Variants in BRD2 observed in about 807,000 individuals in gnomAD.
BRD2 encodes the protein bromodomain containing 2, also known as bromodomain-containing protein 2.
In BRD2, 15 loss-of-function variants were observed where a neutral mutation model predicts 79.1. The observed-to-expected ratio is 0.19, with a 90% CI of 0.13 to 0.29. BRD2 has a LOEUF of 0.29. Among genes scored for constraint, BRD2 ranks in the 10% least tolerant of loss-of-function variants. BRD2 has a pLI of 1.00. For synonymous variants in BRD2, 488 were observed against 358.6 expected (o/e 1.36, Z -4.08); for missense variants, 1,053 against 991.3 (o/e 1.06, Z -0.84).
intron 1 of BRD2, chr6:32,970,675 A>G (rs1777861912): frequency 6.6e-6 from 1 of 151,196 alleles, no homozygotes; most frequent in African/African-American, 2.4e-5. Flanking sequence ...AGATCCTTTC[A>G]CTCTCTTGTA....
Position 32,974,627 on chromosome 6 carries a change from G to A in BRD2, c.195G>A (p.Glu65=), listed in dbSNP as rs1429701552. 9.9e-6 allele frequency: 16 copies of A among 1,614,216 alleles called. No individual in the cohort carries two copies. Among genetic ancestry groups the A allele is most frequent in the African/African-American group, 1.3e-5 (1 of 75,044 alleles). Reference sequence around the variant, plus strand: ...CCCCTGCCAACCCACCACCCCCGGAGGTGTCCAATCCCAAAAAGCCAGGAC... The same window carrying A: ...CCCCTGCCAACCCACCACCCCCGGAAGTGTCCAATCCCAAAAAGCCAGGAC... ...QLTPANPPPP[E]VSNPKKPGRV... Residue 65 remains glutamate, a synonymous_variant, in exon 3 of 13, where the codon GAG becomes GAA. Transcript: ENST00000374825.
chr6:32,980,278 T>G (rs1779345413), intron 11 of BRD2, 64 bp from the exon 12 acceptor site: 2 of 1,601,532 alleles, frequency 1.2e-6, no homozygotes, highest in Non-Finnish European at 1.7e-6. Context: ...CTTGGGAACC[T>G]TAGGGGCCCA....
In BRD2 at chr6:32,972,537, T is replaced by G; in HGVS notation, c.-362T>G. 1.1e-5 allele frequency: 4 copies of G among 364,502 alleles called. No individual in the cohort carries two copies. Among genetic ancestry groups the G allele is most frequent in the Admixed American group, 4.4e-5 (1 of 22,486 alleles). 22.6% of individuals were successfully genotyped at this position (364,502 alleles called of 1,614,324 possible). The stretch of plus-strand genomic sequence containing the variant: ...TCGAAACGGGACCTCGTCGGCCCCG[T>G]AGGGGCCCGACAAGAAGAGGGAATC... On this transcript the variant is annotated 5_prime_UTR_variant, in exon 2 of 13. Transcript: ENST00000374825.
At position 32,976,875 on chromosome 6, in the gene BRD2, C is replaced by T; in HGVS notation, c.1139C>T (p.Ala380Val). ...TTCTATAAACCAGTGGATGCTTCTG[C>T]ACTTGGCCTGCATGACTACCATGAC... is the stretch of plus-strand genomic sequence containing the variant. ...WPFYKPVDASALGLHDYHDII... is the reference protein window; with the variant it reads ...WPFYKPVDASVLGLHDYHDII... The change falls in exon 7 of 13, where the codon GCA becomes GTA. Residue 380 changes from alanine (A) to valine (V), a missense_variant. By Grantham distance (64) the Ala-to-Val change is moderately conservative. Transcript: ENST00000374825. 1.2e-6 allele frequency: 2 copies of T among 1,613,108 alleles called. No individual in the cohort carries two copies. Among genetic ancestry groups the T allele is most frequent in the Non-Finnish European group, 1.7e-6 (2 of 1,180,022 alleles).
In BRD2 at chr6:32,972,271, G is replaced by C; in HGVS notation, c.-628G>C. 1 of 433,412 alleles carries C rather than the reference G, an allele frequency of 2.3e-6. No homozygotes were observed. The highest frequency in any genetic ancestry group is 4.3e-6 in the Non-Finnish European group (1 of 231,040). The allele number at this position is 433,412 out of a possible 1,614,324, so 26.8% of individuals were successfully genotyped here. On this transcript the variant is annotated 5_prime_UTR_variant, in exon 2 of 13. Coordinates refer to ENST00000374825, the MANE Select transcript of BRD2 (RefSeq NM_005104.4). ...CTGCCTACCGATACAGAGCCTTCGA[G>C]TCGTCCGGGGCCGCCATTACAATCC...
In BRD2 at chr6:32,971,919, T is replaced by G. The variant is rs772963313; in HGVS notation, c.-980T>G. 83 of 701,762 alleles carry G rather than the reference T, an allele frequency of 1.2e-4. No individual in the cohort carries two copies. Among genetic ancestry groups the G allele is most frequent in the Non-Finnish European group, 2.1e-4 (81 of 384,220 alleles). The allele number at this position is 701,762 out of a possible 1,614,324, so 43.5% of individuals were successfully genotyped here. Reference sequence around the variant, plus strand: ...ACAGCTCAGCCAATTGGCTTGGAGATGTGGCGGGTTGCCACTTCCCTGTGG... The same window carrying G: ...ACAGCTCAGCCAATTGGCTTGGAGAGGTGGCGGGTTGCCACTTCCCTGTGG... On this transcript the variant is annotated 5_prime_UTR_variant, in exon 2 of 13. An upstream start codon of the reference 5' UTR is lost. Transcript: ENST00000374825.
At position 32,972,639 on chromosome 6, in the gene BRD2, T is replaced by G; in HGVS notation, c.-260T>G. ...CGTCTTTTGAAGAGTCAGTCCCTCC[T>G]TAGTTGCCCGCCTCAGCTGAGGCCG... On this transcript the variant is annotated 5_prime_UTR_variant, in exon 2 of 13. Coordinates refer to ENST00000374825, the MANE Select transcript of BRD2 (RefSeq NM_005104.4). 1.7e-6 allele frequency: 1 copy of G among 596,764 alleles called. No individual in the cohort carries two copies. Among genetic ancestry groups the G allele is most frequent in the East Asian group, 2.8e-5 (1 of 35,672 alleles). The allele number at this position is 596,764 out of a possible 1,614,324, so 37.0% of individuals were successfully genotyped here. A position where few individuals can be genotyped will look rare whatever the true frequency, so the allele number is the denominator to read the frequency against.
At chr6:32,979,291 T>G (rs1202708896) in intron 10 of BRD2, 1 of 157,562 alleles carries the variant, frequency 6.3e-6, no homozygotes, top group Non-Finnish European at 1.4e-5. Context: ...TTGGGCAGGC[T>G]GGTCTTGAAC....
rs1270828508 is a variant in BRD2 at position 32,972,510 on chromosome 6, G to T, written c.-389G>T. ...TTCGTGTTCATCCGCCTCCATCCGA[G>T]ATCGAAACGGGACCTCGTCGGCCCC... On this transcript the variant is annotated 5_prime_UTR_variant, in exon 2 of 13. Coordinates refer to ENST00000374825, the MANE Select transcript of BRD2 (RefSeq NM_005104.4). 6.0e-6 allele frequency: 2 copies of T among 335,468 alleles called. No homozygotes were observed. Among genetic ancestry groups the T allele is most frequent in the East Asian group, 1.2e-4 (2 of 16,860 alleles). The allele number at this position is 335,468 out of a possible 1,614,324, so 20.8% of individuals were successfully genotyped here. A position where few individuals can be genotyped will look rare whatever the true frequency, so the allele number is the denominator to read the frequency against.
chr6:32,979,379 A>G (rs1056796134), intron 10 of BRD2, among the ~76,000 whole-genome samples: 3 of 152,058 alleles, frequency 2.0e-5, no homozygotes, highest in Non-Finnish European at 2.9e-5. Flanking sequence ...CAGCTGGCCC[A>G]TGGTGTAGTT....
At position 32,980,974 on chromosome 6, in the gene BRD2, G is replaced by A. The variant is rs1010050875; in HGVS notation, c.*256G>A. The stretch of plus-strand genomic sequence containing the variant: ...ACACAGAGCCCCCATTCAAAATGGG[G>A]CAGGGCAAGGGTGGGAGTGTGCAAA... On this transcript the variant is annotated 3_prime_UTR_variant, in exon 13 of 13. Coordinates refer to ENST00000374825, the MANE Select transcript of BRD2 (RefSeq NM_005104.4). 28 of 521,772 alleles carry A rather than the reference G, an allele frequency of 5.4e-5. No homozygotes were observed. The highest frequency in any genetic ancestry group is 5.3e-4 in the Middle Eastern group (1 of 1,890). The allele number at this position is 521,772 out of a possible 1,614,324, so 32.3% of individuals were successfully genotyped here.
intron 2 of BRD2, among the ~76,000 whole-genome samples, chr6:32,973,624 A>G (rs1003547615): frequency 2.6e-5 from 4 of 152,178 alleles, no homozygotes; most frequent in Admixed American, 1.3e-4. Flanking sequence ...GAGGAGCACC[A>G]GAGGGACTGT....
rs1779324276 is a variant in BRD2 at position 32,980,110 on chromosome 6, T to A, written c.2124T>A (p.Arg708=). Residue 708 remains arginine, a synonymous_variant, in exon 11 of 13, where the codon CGT becomes CGA. Transcript: ENST00000374825. The stretch of plus-strand genomic sequence containing the variant: ...AGCGCTATGTCCTTTCCTGCCTACG[T>A]AAGAAACCCCGGAAGCCCTACAGTA... ...ELERYVLSCL[R]KKPRKPYTIK... 1 of 1,612,162 alleles carries A rather than the reference T, an allele frequency of 6.2e-7. No homozygotes were observed. Among genetic ancestry groups the A allele is most frequent in the Non-Finnish European group, 8.5e-7 (1 of 1,179,908 alleles).
Position 32,976,346 on chromosome 6 carries a change from C to G in BRD2, c.707C>G (p.Thr236Ser). The G allele has an allele frequency of 1.9e-6, 3 of 1,613,088 alleles. No individual in the cohort carries two copies. The highest frequency in any genetic ancestry group is 2.5e-6 in the Non-Finnish European group (3 of 1,180,030). ...LYTPPPEIPT[T>S]VLNIPHPSVI... ...ACTCCTCCACCTGAGATACCTACCACTGTCCTCAACATTCCCCACCCATCA... is the reference window on the plus strand; with the variant it reads ...ACTCCTCCACCTGAGATACCTACCAGTGTCCTCAACATTCCCCACCCATCA... The change falls in exon 6 of 13, where the codon ACT (threonine) becomes AGT (serine). Residue 236 changes from threonine to serine, a missense_variant. This residue lies in a region of BRD2 where 413 missense variants were observed against 335.1 expected (regional missense o/e 1.23). Coordinates refer to ENST00000374825, the MANE Select transcript of BRD2 (RefSeq NM_005104.4).
At chr6:32,976,005 C>A in intron 4 of BRD2, 26 bp from the exon 5 acceptor site, 1 of 1,576,352 alleles carries the variant, frequency 6.3e-7, no homozygotes, top group Non-Finnish European at 8.6e-7. Context: ...TTTTAACTTT[C>A]TTTATTGCTG....
In BRD2 at chr6:32,980,324, A is replaced by G; in HGVS notation, c.2147-18A>G. The G allele has an allele frequency of 2.5e-6, 4 of 1,612,374 alleles. No individual in the cohort carries two copies. Among genetic ancestry groups the G allele is most frequent in the Non-Finnish European group, 3.4e-6 (4 of 1,179,886 alleles). On this transcript the variant is annotated intron_variant, in intron 11 of 12. Coordinates refer to ENST00000374825, the MANE Select transcript of BRD2 (RefSeq NM_005104.4). ...CTTGGGGCAATCTTAATGTATCCTG[A>G]TAAATTTCTTTCATTAGCCATTAAG...
Position 32,974,557 on chromosome 6 carries a change from G to A in BRD2, c.125G>A (p.Gly42Asp). The change falls in exon 3 of 13, where the codon GGC becomes GAC. Residue 42 changes from glycine (G) to aspartate (D), a missense_variant. By Grantham distance (94) the Gly-to-Asp change is moderately conservative (BLOSUM62 -1). This residue lies in a region of BRD2 where 413 missense variants were observed against 335.1 expected (regional missense o/e 1.23). Coordinates refer to ENST00000374825, the MANE Select transcript of BRD2 (RefSeq NM_005104.4). ...CGAAAACCCTCTCTCTTGTATGAGG[G>A]CTTTGAGAGCCCCACAATGGCTTCG... is the stretch of plus-strand genomic sequence containing the variant. The part of the protein sequence containing the change: ...RIRKPSLLYE[G>D]FESPTMASVP... 1 of 1,614,222 alleles carries A rather than the reference G, an allele frequency of 6.2e-7. No homozygotes were observed. The highest frequency in any genetic ancestry group is 8.5e-7 in the Non-Finnish European group (1 of 1,180,036).
intron 2 of BRD2, among the ~76,000 whole-genome samples, chr6:32,973,302 C>G (rs149792692): frequency 1.4e-3 from 220 of 152,152 alleles, no homozygotes; most frequent in African/African-American, 5.0e-3. Flanking sequence ...ACACCTCTAG[C>G]GCCCTGTAGG....
Position 32,978,182 on chromosome 6 carries a change from CAAGAGG to C in BRD2, c.1638_1643del (p.Lys548_Arg549del). 1 of 1,612,696 alleles carries C rather than the reference CAAGAGG, an allele frequency of 6.2e-7. No homozygotes were observed. Among genetic ancestry groups the C allele is most frequent in the Non-Finnish European group, 8.5e-7 (1 of 1,179,972 alleles). On this transcript the variant is annotated inframe_deletion, in exon 10 of 13. Transcript: ENST00000374825. Reference sequence around the variant, plus strand: ...TGTCCCAGGGTCCAATATCCAAGCCCAAGAGGAAAAGAGAGAAAAAAGAGAAAAAGA... The same window carrying C: ...TGTCCCAGGGTCCAATATCCAAGCCCAAAAGAGAGAAAAAAGAGAAAAAGA...
Sources: allele counts gnomAD v4.1 joint callset (sites outside exome capture counted in the v4.1 genomes callset), GRCh38; gene constraint gnomAD v4.1.1; regional missense constraint gnomAD v4.1.1; transcripts MANE v1.5; gene names NCBI Gene and HGNC (gene_info 2026-07-23, HGNC 2026-07-21).